Variants in ACOT7 observed in about 807,000 individuals in gnomAD.
The protein encoded by ACOT7 is acyl-CoA thioesterase 7, also known as cytosolic acyl coenzyme A thioester hydrolase.
ACOT7 carries 12 observed loss-of-function variants against 40.2 expected under a neutral mutation model. The ratio of observed to expected loss-of-function variants is 0.30; its 90% confidence interval spans 0.19 to 0.48. The LOEUF is 0.48. ACOT7 is among the 20% of genes least tolerant of loss of function. The pLI, the probability that ACOT7 is intolerant of heterozygous loss-of-function variation, is 0.99. For synonymous variants in ACOT7, 228 were observed against 219.5 expected, an observed-to-expected ratio of 1.04 and a Z score of -0.34; for missense variants, 395 against 530.8, an observed-to-expected ratio of 0.74 and a Z score of 2.51.
At position 6,325,676 on chromosome 1, in the gene ACOT7, A is replaced by C. The variant is rs1175170468; in HGVS notation, c.625+1623T>G. Among the ~76,000 whole-genome samples the C allele has an allele frequency of 7.9e-5, 12 of 152,252 alleles. No homozygotes were observed. The East Asian group carries it at 2.1e-3, about 27-fold the overall frequency. ...CACACATGTGAGACCAAATACACAC[A>C]AACTCCTGTTCAAGCCTCAAGTTGA... On this transcript the variant is annotated intron_variant, in intron 5 of 8. Transcript: ENST00000361521.
At chr1:6,295,166 G>T in intron 6 of ACOT7, 186 bp from the exon 7 acceptor site, 364 of 393,932 alleles carry the variant, frequency 9.2e-4, no homozygotes, top group Middle Eastern at 1.4e-3. Flanking sequence ...GCTTCCTCAG[G>T]AGATTTTGAA....
intron 6 of ACOT7, among the ~76,000 whole-genome samples, chr1:6,315,595 C>CA (rs1270727828): frequency 6.6e-6 from 1 of 151,610 alleles, no homozygotes; most frequent in Non-Finnish European, 1.5e-5. Flanking sequence ...ACTAAAAATA[C>CA]AAAAAATTAT....
chr1:6,320,449 C>T (rs1003739063), intron 5 of ACOT7, among the ~76,000 whole-genome samples: 3 of 152,188 alleles, frequency 2.0e-5, no homozygotes, highest in African/African-American at 7.2e-5. Context: ...CCAAATCAGG[C>T]TTTCCTAGTG....
At chr1:6,277,977 C>T (rs1278875789) in intron 8 of ACOT7, among the ~76,000 whole-genome samples, 1 of 152,156 alleles carries the variant, frequency 6.6e-6, no homozygotes, top group Non-Finnish European at 1.5e-5. Context: ...AAAGTGCGTG[C>T]CTAAGGCCAC....
chr1:6,345,768 A>C (rs1641402907), intron 2 of ACOT7, among the ~76,000 whole-genome samples: 1 of 152,104 alleles, frequency 6.6e-6, no homozygotes, highest in South Asian at 2.1e-4. Context: ...CAGTTTCCCC[A>C]CTTGTAAAAC....
chr1:6,273,476 C>A (rs946578331), intron 8 of ACOT7, among the ~76,000 whole-genome samples: 3 of 152,320 alleles, frequency 2.0e-5, no homozygotes, highest in Admixed American at 6.5e-5. Flanking sequence ...GAGAGCACGA[C>A]ACTGGATTCT....
intron 8 of ACOT7, among the ~76,000 whole-genome samples, chr1:6,270,877 C>A (rs565355241): frequency 3.9e-5 from 6 of 152,256 alleles, no homozygotes; most frequent in African/African-American, 1.2e-4. Flanking sequence ...CCAGATGGCC[C>A]GGGGTCACCT....
chr1:6,304,194 C>T (rs998263228), intron 6 of ACOT7, among the ~76,000 whole-genome samples: 9 of 151,856 alleles, frequency 5.9e-5, no homozygotes, highest in African/African-American at 1.7e-4. Context: ...GTCCAGGGGA[C>T]GCTCCTTTTG....
chr1:6,282,639 G>A lies in ACOT7; in HGVS notation c.830-1353C>T, dbSNP rs2148381035. ...GCGGCCAGGTGGTGGCTGTTGGAGG[G>A]CGGTTAGCAGGCCAGAGGCAAGAGC... On this transcript the variant is annotated intron_variant, in intron 7 of 8. Coordinates refer to ENST00000361521, the MANE Select transcript of ACOT7 (RefSeq NM_007274.4). This position sits in a 1 kb window ranked among gnomAD's most constrained non-coding sequence, Gnocchi z 4.5. 10 of 1,109,314 alleles carry A rather than the reference G, an allele frequency of 9.0e-6. No homozygotes were observed. Among genetic ancestry groups the A allele is most frequent in the Non-Finnish European group, 1.2e-5 (10 of 814,438 alleles). The allele number at this position is 1,109,314 out of a possible 1,614,324, so 68.7% of individuals were successfully genotyped here.
intron 1 of ACOT7, among the ~76,000 whole-genome samples, chr1:6,365,236 G>A (rs1162743565): frequency 6.6e-6 from 1 of 152,136 alleles, no homozygotes; most frequent in Non-Finnish European, 1.5e-5. Flanking sequence ...GCCTCAGCAG[G>A]GTGACAGGTC....
At chr1:6,266,510 T>C (rs1054262373) in intron 8 of ACOT7, among the ~76,000 whole-genome samples, 16 of 152,282 alleles carry the variant, frequency 1.1e-4, no homozygotes, top group African/African-American at 3.6e-4. Flanking sequence ...TGAGACTCAC[T>C]TCTAACAGGA....
intron 8 of ACOT7, among the ~76,000 whole-genome samples, chr1:6,279,409 AG>A (rs1418505735): frequency 6.6e-6 from 1 of 152,158 alleles, no homozygotes; most frequent in Non-Finnish European, 1.5e-5. Context: ...ATGGGGCAGG[AG>A]GGTGGCAGCC....
At chr1:6,337,539 G>T (rs963227385) in intron 3 of ACOT7, among the ~76,000 whole-genome samples, 1 of 152,178 alleles carries the variant, frequency 6.6e-6, no homozygotes, top group Non-Finnish European at 1.5e-5. Context: ...CCAGGAAAGG[G>T]AAGTTCAGGA....
rs1489814495 is a variant in ACOT7 at position 6,306,343 on chromosome 1, C to A, written c.713-11363G>T. 4 of 985,226 alleles carry A rather than the reference C, an allele frequency of 4.1e-6. No homozygotes were observed. The East Asian group carries it at 3.4e-4, about 84-fold the overall frequency. The allele number at this position is 985,226 out of a possible 1,614,324, so 61.0% of individuals were successfully genotyped here. On this transcript the variant is annotated intron_variant, in intron 6 of 8. Transcript: ENST00000361521. The surrounding 1 kb of genome is among the most constrained non-coding windows in gnomAD (Gnocchi z 4.3). Reference sequence around the variant, plus strand: ...GGATGACGTGCTGGCCACCAGGGACCCGGCTGAGAGGAGGACCCAGTGTGG... The same window carrying A: ...GGATGACGTGCTGGCCACCAGGGACACGGCTGAGAGGAGGACCCAGTGTGG...
intron 1 of ACOT7, among the ~76,000 whole-genome samples, chr1:6,388,938 G>A (rs2148484861): frequency 6.6e-6 from 1 of 151,760 alleles, no homozygotes; most frequent in East Asian, 1.9e-4. Flanking sequence ...CTACTCAGGA[G>A]GCTGAGGCAG....
chr1:6,271,474 C>T (rs1433149011), intron 8 of ACOT7, among the ~76,000 whole-genome samples: 7 of 152,290 alleles, frequency 4.6e-5, no homozygotes, highest in South Asian at 4.1e-4. Context: ...ACACTCAGCA[C>T]GGCCGGGCGA....
intron 1 of ACOT7, among the ~76,000 whole-genome samples, chr1:6,361,006 T>C (rs959668962): frequency 6.6e-6 from 1 of 152,210 alleles, no homozygotes; most frequent in Non-Finnish European, 1.5e-5. Context: ...TTAAAAATCA[T>C]TTTAATTGAC....
chr1:6,296,359 A>T (rs1639810829), intron 6 of ACOT7, among the ~76,000 whole-genome samples: 1 of 152,170 alleles, frequency 6.6e-6, no homozygotes, highest in African/African-American at 2.4e-5. Context: ...CACTGTGCAC[A>T]TGCTGGTCCC....
intron 1 of ACOT7, among the ~76,000 whole-genome samples, chr1:6,382,860 A>G (rs940677936): frequency 1.2e-4 from 18 of 151,454 alleles, no homozygotes; most frequent in African/African-American, 4.4e-4. Context: ...TACACATATC[A>G]TTAAGATGGC....
Sources: allele counts gnomAD v4.1 joint callset (sites outside exome capture counted in the v4.1 genomes callset), GRCh38; gene constraint gnomAD v4.1.1; non-coding constraint Gnocchi (gnomAD v3.1); transcripts MANE v1.5; gene names NCBI Gene and HGNC (gene_info 2026-07-23, HGNC 2026-07-21).